Variants in PTPN4 observed in about 807,000 individuals in gnomAD.
PTPN4 encodes tyrosine-protein phosphatase non-receptor type 4.
In PTPN4, 49 loss-of-function variants were observed where a neutral mutation model predicts 135.5. That is an observed-to-expected ratio of 0.36 (90% CI 0.29 to 0.46). PTPN4 has a LOEUF of 0.46. Among genes scored for constraint, PTPN4 ranks in the 20% least tolerant of loss-of-function variants. The pLI is 1.00. For missense variants in PTPN4, 860 were observed against 1,101.0 expected, an observed-to-expected ratio of 0.78 and a Z score of 3.10; for synonymous variants, 333 against 369.9, an observed-to-expected ratio of 0.90 and a Z score of 1.14.
chr2:119,778,676 A>G (rs1219147787), intron 1 of PTPN4, among the ~76,000 whole-genome samples: 3 of 152,158 alleles, frequency 2.0e-5, no homozygotes, highest in Non-Finnish European at 2.9e-5. Flanking sequence ...GAAAAGCCTT[A>G]GGTAAATCAG....
Position 119,952,016 on chromosome 2 carries a change from T to C in PTPN4, c.1700T>C (p.Val567Ala). ...AGACTGAATGAAGGGGACCAAGTTGTACTGATCAATGGTCGGGACATTGCA... is the reference window on the plus strand; with the variant it reads ...AGACTGAATGAAGGGGACCAAGTTGCACTGATCAATGGTCGGGACATTGCA... ...VPRLNEGDQVVLINGRDIAEH... is the reference protein window; with the variant it reads ...VPRLNEGDQVALINGRDIAEH... The change falls in exon 19 of 27, where the codon GTA becomes GCA. Residue 567 changes from valine to alanine, a missense_variant. By Grantham distance (64) the Val-to-Ala change is moderately conservative (BLOSUM62 0). Coordinates refer to ENST00000263708, the MANE Select transcript of PTPN4 (RefSeq NM_002830.4). The C allele has an allele frequency of 6.2e-7, 1 of 1,613,364 alleles. No homozygotes were observed. Among genetic ancestry groups the C allele is most frequent in the Non-Finnish European group, 8.5e-7 (1 of 1,179,388 alleles).
chr2:119,781,950 A>G (rs1485026762), intron 1 of PTPN4, among the ~76,000 whole-genome samples: 3 of 151,998 alleles, frequency 2.0e-5, no homozygotes, highest in Non-Finnish European at 2.9e-5. Context: ...TGATTGTGTT[A>G]TATATTATTA....
chr2:119,947,828 A>G (rs1329085318), intron 18 of PTPN4, among the ~76,000 whole-genome samples: 1 of 151,908 alleles, frequency 6.6e-6, no homozygotes, highest in African/African-American at 2.4e-5. Context: ...CTAAATAGAA[A>G]TTGTGTAACT....
intron 2 of PTPN4, among the ~76,000 whole-genome samples, chr2:119,852,264 T>C (rs1677603988): frequency 6.6e-6 from 1 of 152,218 alleles, no homozygotes; most frequent in African/African-American, 2.4e-5. Flanking sequence ...AAAAATTAGG[T>C]CTAAGCCAAC....
intron 5 of PTPN4, among the ~76,000 whole-genome samples, chr2:119,878,223 A>T (rs1678014463): frequency 6.6e-6 from 1 of 152,186 alleles, no homozygotes; most frequent in African/African-American, 2.4e-5. Context: ...TCTTGATTAT[A>T]GGGTGAAATA....
At chr2:119,951,725 A>G (rs544336131) in intron 18 of PTPN4, among the ~76,000 whole-genome samples, 24 of 152,202 alleles carry the variant, frequency 1.6e-4, no homozygotes, top group African/African-American at 5.5e-4. Flanking sequence ...CTTGGAAATC[A>G]TCAGTCTTAT....
chr2:119,945,875 A>G (rs1031447468), intron 16 of PTPN4, among the ~76,000 whole-genome samples: 2 of 152,172 alleles, frequency 1.3e-5, no homozygotes, highest in Non-Finnish European at 2.9e-5. Context: ...CTCTGTGACA[A>G]GAGTAAAAAT....
intron 9 of PTPN4, among the ~76,000 whole-genome samples, chr2:119,897,976 A>G (rs1170779697): frequency 6.6e-6 from 1 of 152,244 alleles, no homozygotes; most frequent in African/African-American, 2.4e-5. Flanking sequence ...TGGTCCGTGA[A>G]GAGACACATG....
At chr2:119,766,452 G>A (rs1313832634) in intron 1 of PTPN4, among the ~76,000 whole-genome samples, 5 of 42,382 alleles carry the variant, frequency 1.2e-4, no homozygotes, top group African/African-American at 1.7e-4. Context: ...GTGCGCGCGT[G>A]TGTGTGTGTG....
intron 9 of PTPN4, among the ~76,000 whole-genome samples, chr2:119,893,909 A>C (rs746252554): frequency 3.3e-5 from 5 of 152,136 alleles, no homozygotes; most frequent in Non-Finnish European, 7.4e-5. Flanking sequence ...AATATGAAAA[A>C]AAAAACAAAA....
intron 9 of PTPN4, among the ~76,000 whole-genome samples, chr2:119,890,844 G>A (rs1469576135): frequency 6.6e-6 from 1 of 152,122 alleles, no homozygotes; most frequent in African/African-American, 2.4e-5. Context: ...TCATTTATAA[G>A]TGATAATTTT....
At chr2:119,870,102 A>G (rs899450998) in intron 3 of PTPN4, among the ~76,000 whole-genome samples, 4 of 152,204 alleles carry the variant, frequency 2.6e-5, no homozygotes, top group Non-Finnish European at 5.9e-5. Context: ...CTTTAGCAAT[A>G]TGATTATCCA....
At chr2:119,922,444 T>C (rs559916401) in intron 12 of PTPN4, among the ~76,000 whole-genome samples, 20 of 152,334 alleles carry the variant, frequency 1.3e-4, no homozygotes, top group African/African-American at 4.6e-4. Context: ...GAAATGATCA[T>C]ATTCAAACTT....
At chr2:119,770,878 CT>C (rs11302568) in intron 1 of PTPN4, among the ~76,000 whole-genome samples, 3,617 of 138,934 alleles carry the variant, frequency 0.026, 65 homozygotes, top group African/African-American at 0.078. Context: ...AAGGGTCTAA[CT>C]TTTTTTTTTT....
intron 12 of PTPN4, among the ~76,000 whole-genome samples, chr2:119,924,169 TGGGA>T (rs1391551153): frequency 6.7e-6 from 1 of 148,870 alleles, no homozygotes; most frequent in Admixed American, 6.7e-5. Context: ...AAGGGACTAG[TGGGA>T]GGAAGTATTT....
Position 119,810,304 on chromosome 2 carries a change from T to G in PTPN4, c.138+313T>G, listed in dbSNP as rs115472116. Among the ~76,000 whole-genome samples the G allele has an allele frequency of 3.8e-3, 583 of 152,278 alleles. 1 individual carries two copies. The highest frequency in any genetic ancestry group is 0.013 in the African/African-American group (538 of 41,550). ...AAAAGAATTTGTTCTTCTAAATAAT[T>G]TATACATATTCATGGTAATTTTACT... On this transcript the variant is annotated intron_variant, in intron 2 of 26. Transcript: ENST00000263708.
chr2:119,935,756 A>T (rs1346399603), intron 15 of PTPN4, among the ~76,000 whole-genome samples: 4 of 152,186 alleles, frequency 2.6e-5, no homozygotes, highest in Admixed American at 6.5e-5. Flanking sequence ...ATTTTTAATA[A>T]TTATATATGT....
chr2:119,829,716 A>C (rs1220521910), intron 2 of PTPN4, among the ~76,000 whole-genome samples: 1 of 152,172 alleles, frequency 6.6e-6, no homozygotes, highest in Non-Finnish European at 1.5e-5. Flanking sequence ...TTACTCATTC[A>C]TCTGCTGACA....
At chr2:119,831,027 G>C (rs938431492) in intron 2 of PTPN4, among the ~76,000 whole-genome samples, 14 of 152,162 alleles carry the variant, frequency 9.2e-5, no homozygotes, top group African/African-American at 3.1e-4. Flanking sequence ...CCAGGGACTG[G>C]TTTCAAGGAA....
Sources: gnomAD v4.1 joint callset for allele counts (sites outside exome capture counted in the v4.1 genomes callset) on GRCh38, gnomAD v4.1.1 for gene constraint, MANE v1.5 for transcripts, NCBI Gene and HGNC (gene_info 2026-07-23, HGNC 2026-07-21) for gene names.